ADAM9: variants seen among roughly 807,000 people sequenced by gnomAD.
ADAM9 encodes ADAM metallopeptidase domain 9.
Under a neutral mutation model 108.1 loss-of-function variants are expected in ADAM9, and 54 were observed. That is an observed-to-expected ratio of 0.50 (90% confidence interval 0.40 to 0.63). The LOEUF (loss-of-function observed/expected upper bound fraction) is 0.63. Ranked by LOEUF, ADAM9 falls within the 20% of genes least tolerant of loss-of-function variation. ADAM9 has a pLI of 0.00. For missense variants in ADAM9, 830 were observed against 997.7 expected, an observed-to-expected ratio of 0.83 and a Z score of 2.26; for synonymous variants, 316 against 336.0, an observed-to-expected ratio of 0.94 and a Z score of 0.65.
chr8:39,069,734 T>A (rs927608106), intron 14 of ADAM9, among the ~76,000 whole-genome samples: 6 of 152,106 alleles, frequency 3.9e-5, no homozygotes, highest in African/African-American at 1.4e-4. Context: ...CTTACATTGG[T>A]TTACTTCTTA....
chr8:39,090,004 A>G, intron 18 of ADAM9, 43 bp from the exon 19 acceptor site: 1 of 1,597,016 alleles, frequency 6.3e-7, no homozygotes, highest in Non-Finnish European at 8.6e-7. Context: ...TTTTCTGCCT[A>G]GTATGAGTTT....
chr8:39,098,091 C>T (rs941307304), intron 20 of ADAM9, among the ~76,000 whole-genome samples: 8 of 151,772 alleles, frequency 5.3e-5, no homozygotes, highest in Middle Eastern at 3.4e-3. Context: ...TTGTCTTTTC[C>T]GGATGTTTTT....
intron 3 of ADAM9, among the ~76,000 whole-genome samples, chr8:39,012,905 C>G (rs375044225): frequency 1.3e-5 from 2 of 152,156 alleles, no homozygotes; most frequent in East Asian, 1.9e-4. Context: ...TGTAACAAAC[C>G]TGCACGTTGT....
chr8:39,057,870 G>A (rs1377824939), intron 14 of ADAM9, among the ~76,000 whole-genome samples: 1 of 152,010 alleles, frequency 6.6e-6, no homozygotes, highest in Non-Finnish European at 1.5e-5. Flanking sequence ...GGGATTCTGT[G>A]GCTCAGTCAA....
At chr8:39,019,615 A>G (rs571349403) in intron 7 of ADAM9, among the ~76,000 whole-genome samples, 2 of 152,048 alleles carry the variant, frequency 1.3e-5, no homozygotes, top group African/African-American at 4.8e-5. Flanking sequence ...TGTGTAATTT[A>G]AAAAAGAGAG....
chr8:39,021,691 C>A lies in ADAM9; in HGVS notation c.721C>A (p.Leu241Ile). Residue 241 changes from leucine to isoleucine, a missense_variant, in exon 8 of 22, where the codon CTC (leucine) becomes ATC (isoleucine). Transcript: ENST00000487273. ...NQTAVREEMI[L>I]LANYLDSMYI... is the part of the protein sequence containing the mutation. ...GACTGCTGTGAGAGAAGAGATGATT[C>A]TCCTGGCAAACTACTTGGATAGTGT... is the stretch of plus-strand genomic sequence containing the variant. 6.2e-7 allele frequency: 1 copy of A among 1,613,896 alleles called. No individual in the cohort carries two copies. The highest frequency in any genetic ancestry group is 8.5e-7 in the Non-Finnish European group (1 of 1,179,776).
At chr8:39,031,759 G>T (rs535613248) in intron 11 of ADAM9, among the ~76,000 whole-genome samples, 3 of 152,298 alleles carry the variant, frequency 2.0e-5, no homozygotes, top group Admixed American at 6.5e-5. Context: ...CAGCTTTTCT[G>T]CTCTGGTTTC....
At chr8:39,030,821 T>C (rs939281448) in intron 11 of ADAM9, among the ~76,000 whole-genome samples, 8 of 152,256 alleles carry the variant, frequency 5.3e-5, no homozygotes, top group African/African-American at 1.9e-4. Context: ...TCTCATTGTT[T>C]CAATTTACAT....
At chr8:39,066,537 T>G (rs1233338349) in intron 14 of ADAM9, among the ~76,000 whole-genome samples, 1 of 152,212 alleles carries the variant, frequency 6.6e-6, no homozygotes, top group Non-Finnish European at 1.5e-5. Flanking sequence ...TCTGTTGGCT[T>G]CATAAATGTC....
chr8:39,001,188 G>C (rs1485313241), intron 1 of ADAM9, among the ~76,000 whole-genome samples: 43 of 152,174 alleles, frequency 2.8e-4, no homozygotes, highest in Admixed American at 2.8e-3. Flanking sequence ...TAAGCAGTCT[G>C]TGGATAGCAA....
In ADAM9 at chr8:38,997,040, G is replaced by C. The variant is rs1365623047; in HGVS notation, c.-24G>C. On this transcript the variant is annotated 5_prime_UTR_variant, in exon 1 of 22. Transcript: ENST00000487273. ...GGAGGTGGAGGCGACCGAGTGCTGA[G>C]AGGAACCTGCGGAATCGGCCGAGAT... 6.2e-7 allele frequency: 1 copy of C among 1,604,568 alleles called. No homozygotes were observed. Among genetic ancestry groups the C allele is most frequent in the Non-Finnish European group, 8.5e-7 (1 of 1,179,240 alleles).
chr8:39,016,980 C>T (rs1486430231), intron 5 of ADAM9: 4 of 512,388 alleles, frequency 7.8e-6, no homozygotes, highest in East Asian at 7.0e-5. Flanking sequence ...TTCCATTTCC[C>T]GTAGATCACT....
At chr8:39,099,048 A>G (rs773977244) in intron 20 of ADAM9, among the ~76,000 whole-genome samples, 30 of 152,078 alleles carry the variant, frequency 2.0e-4, no homozygotes, top group Admixed American at 6.6e-5. Flanking sequence ...TTCTCCATGG[A>G]GACTATTTTT....
chr8:39,084,595 T>C (rs1361234656), intron 18 of ADAM9, among the ~76,000 whole-genome samples: 1 of 151,852 alleles, frequency 6.6e-6, no homozygotes, highest in Non-Finnish European at 1.5e-5. Context: ...TTTTTTTTTT[T>C]AAACTTGTCT....
chr8:39,007,154 C>G (rs1355452378), intron 1 of ADAM9, among the ~76,000 whole-genome samples: 1 of 152,108 alleles, frequency 6.6e-6, no homozygotes, highest in Non-Finnish European at 1.5e-5. Context: ...GCGGAGCTGG[C>G]GGGTACAGAG....
chr8:39,034,229 A>G (rs1837197505), intron 11 of ADAM9, among the ~76,000 whole-genome samples: 1 of 152,158 alleles, frequency 6.6e-6, no homozygotes, highest in African/African-American at 2.4e-5. Flanking sequence ...TTTTTCTTCT[A>G]GACATATTTC....
intron 18 of ADAM9, among the ~76,000 whole-genome samples, chr8:39,087,250 T>C (rs76461788): frequency 2.0e-5 from 3 of 152,222 alleles, no homozygotes; most frequent in Admixed American, 6.5e-5. Context: ...ATTTTTTTTT[T>C]CTGCCTCTCA....
chr8:39,077,641 G>C (rs144984307), intron 16 of ADAM9, among the ~76,000 whole-genome samples: 45 of 152,228 alleles, frequency 3.0e-4, no homozygotes, highest in African/African-American at 1.0e-3. Flanking sequence ...TACTGTGCAT[G>C]GTTCCCTCCC....
chr8:39,069,427 A>C (rs1483666050), intron 14 of ADAM9, among the ~76,000 whole-genome samples: 1 of 152,234 alleles, frequency 6.6e-6, no homozygotes, highest in Admixed American at 6.5e-5. Context: ...AAGGATTTAA[A>C]AGTCCTTCAC....
Sources: allele counts gnomAD v4.1 joint callset (sites outside exome capture counted in the v4.1 genomes callset), GRCh38; gene constraint gnomAD v4.1.1; transcripts MANE v1.5; gene names NCBI Gene and HGNC (gene_info 2026-07-23, HGNC 2026-07-21).